The following MASP1 variants were observed in gnomAD, a reference collection of about 807,000 sequenced individuals.
MASP1 encodes the protein MBL associated serine protease 1, also known as mannan-binding lectin serine protease 1.
A neutral mutation model predicts 77.1 loss-of-function variants in MASP1; 59 were observed. That is an observed-to-expected ratio of 0.77 (90% CI 0.62 to 0.95). The LOEUF (loss-of-function observed/expected upper bound fraction) is 0.95, where lower values mean the gene tolerates loss of function less well. Ranked by LOEUF, MASP1 falls within the 40% of genes least tolerant of loss-of-function variation. The pLI, the probability that MASP1 is intolerant of heterozygous loss-of-function variation, is 0.00. For missense variants in MASP1, 885 were observed against 912.9 expected (o/e 0.97, Z 0.39); for synonymous variants, 362 against 354.5 (o/e 1.02, Z -0.24).
At chr3:187,277,695 G>A (rs1483151052) in intron 2 of MASP1, among the ~76,000 whole-genome samples, 1 of 152,212 alleles carries the variant, frequency 6.6e-6, no homozygotes, top group Non-Finnish European at 1.5e-5. Flanking sequence ...CTTTCCTGCA[G>A]AGACTTGAAC....
rs201003207 is a variant in MASP1, at chr3:187,260,887, A to G, written c.416-15T>C. The G allele has an allele frequency of 3.7e-6, 6 of 1,614,016 alleles. No individual in the cohort carries two copies. Among genetic ancestry groups the G allele is most frequent in the African/African-American group, 1.3e-5 (1 of 75,032 alleles). ...CTCGTCCACATCTGTAGGGCAGGTAAAGCCTCTCCATCAATACATGCATGA... is the reference window on the plus strand; with the variant it reads ...CTCGTCCACATCTGTAGGGCAGGTAGAGCCTCTCCATCAATACATGCATGA... On this transcript the variant is annotated splice_polypyrimidine_tract_variant and intron_variant, in intron 3 of 10. Transcript: ENST00000296280.
intron 10 of MASP1, among the ~76,000 whole-genome samples, chr3:187,237,720 C>A (rs1049267605): frequency 6.6e-6 from 1 of 152,224 alleles, no homozygotes; most frequent in Non-Finnish European, 1.5e-5. Flanking sequence ...AACATGCTTG[C>A]ATGGCCCTTC....
At chr3:187,247,164 A>G (rs1200121620) in intron 8 of MASP1, 2 of 1,489,532 alleles carry the variant, frequency 1.3e-6, no homozygotes, top group Non-Finnish European at 1.8e-6. Context: ...TTGCTTTCAC[A>G]CACGTAGCAG....
chr3:187,270,282 T>C (rs1349185877), intron 2 of MASP1, among the ~76,000 whole-genome samples: 1 of 152,218 alleles, frequency 6.6e-6, no homozygotes, highest in Non-Finnish European at 1.5e-5. Flanking sequence ...TGCACTTCCT[T>C]GTAAAACTCA....
chr3:187,271,248 A>G (rs1347160509), intron 2 of MASP1, among the ~76,000 whole-genome samples: 1 of 152,226 alleles, frequency 6.6e-6, no homozygotes, highest in Non-Finnish European at 1.5e-5. Context: ...AAGATAGATC[A>G]GGCTGTTTTG....
At chr3:187,280,381 C>T (rs1268027943) in intron 2 of MASP1, among the ~76,000 whole-genome samples, 1 of 152,174 alleles carries the variant, frequency 6.6e-6, no homozygotes, top group East Asian at 1.9e-4. Flanking sequence ...AGAGTGCAAT[C>T]CAAATGCAGA....
At chr3:187,249,005 A>G (rs1057245648) in intron 8 of MASP1, among the ~76,000 whole-genome samples, 1 of 152,190 alleles carries the variant, frequency 6.6e-6, no homozygotes, top group South Asian at 2.1e-4. Flanking sequence ...TTTGCATGAA[A>G]ATTCATGAAA....
At chr3:187,255,298 C>A (rs1714979126) in intron 5 of MASP1, among the ~76,000 whole-genome samples, 2 of 152,140 alleles carry the variant, frequency 1.3e-5, no homozygotes, top group Admixed American at 6.5e-5. Context: ...ACTTCTAGAG[C>A]TGAGAGCCAC....
At chr3:187,225,686 C>G (rs1041050493) in intron 12 of MASP1, among the ~76,000 whole-genome samples, 1 of 152,218 alleles carries the variant, frequency 6.6e-6, no homozygotes, top group Non-Finnish European at 1.5e-5. Flanking sequence ...TACATAATCT[C>G]ATGGGTCCCC....
chr3:187,243,685 G>A, intron 8 of MASP1, 64 bp from the exon 9 acceptor site: 1 of 1,592,294 alleles, frequency 6.3e-7, no homozygotes. Flanking sequence ...CTATCTGATG[G>A]ATCTATCTCA....
intron 2 of MASP1, 109 bp downstream of exon 2, chr3:187,285,713 ATGT>A (rs1290800883): frequency 4.8e-6 from 4 of 831,536 alleles, no homozygotes; most frequent in East Asian, 2.6e-5. Flanking sequence ...TACCATTGTG[ATGT>A]TGTGTGTCTC....
Position 187,285,951 on chromosome 3 carries a change from T to G in MASP1, c.111A>C (p.Pro37=), listed in dbSNP as rs761778551. ...MFGQIQSPGY[P]DSYPSDSEVT... is the part of the protein sequence containing the mutation. The stretch of plus-strand genomic sequence containing the variant: ...CCTCTGAATCACTGGGATAGGAGTC[T>G]GGATAACCAGGCGACTGGATCTGGC... The change falls in exon 2 of 11, where the codon CCA becomes CCC. Residue 37 remains proline (P), a synonymous_variant. Transcript: ENST00000296280. 12 of 1,614,234 alleles carry G rather than the reference T, an allele frequency of 7.4e-6. No individual in the cohort carries two copies. The highest frequency in any genetic ancestry group is 8.5e-6 in the Non-Finnish European group (10 of 1,180,038).
intron 1 of MASP1, chr3:187,291,157 G>C (rs72549153): frequency 0.012 from 2,316 of 192,180 alleles, 29 homozygotes; most frequent in Non-Finnish European, 0.02. Flanking sequence ...AACTTGTAAA[G>C]GTTGAAGAAA....
intron 6 of MASP1, 34 bp from the exon 7 acceptor site, chr3:187,251,786 G>A: frequency 6.5e-7 from 1 of 1,545,140 alleles, no homozygotes; most frequent in Non-Finnish European, 9.0e-7. Context: ...CAGCAGGTGA[G>A]AAAAGAGAAT....
intron 11 of MASP1, among the ~76,000 whole-genome samples, chr3:187,228,389 G>A (rs1377393691): frequency 6.6e-6 from 1 of 151,988 alleles, no homozygotes; most frequent in African/African-American, 2.4e-5. Context: ...AATCGGAGCT[G>A]TCTGGTGAAG....
At chr3:187,228,411 C>T (rs115819799) in intron 11 of MASP1, among the ~76,000 whole-genome samples, 3,251 of 152,280 alleles carry the variant, frequency 0.021, 54 homozygotes, top group Non-Finnish European at 0.036. Context: ...AGAGTCTTCC[C>T]TCCCTCTGCC....
chr3:187,288,523 G>A (rs1173067987), intron 1 of MASP1, among the ~76,000 whole-genome samples: 2 of 152,150 alleles, frequency 1.3e-5, no homozygotes, highest in Non-Finnish European at 2.9e-5. Flanking sequence ...TAATAATAAC[G>A]ACTTCCCACA....
At chr3:187,263,270 A>T (rs982822488) in intron 2 of MASP1, 1 of 158,612 alleles carries the variant, frequency 6.3e-6, no homozygotes, top group African/African-American at 2.4e-5. Flanking sequence ...AAGCAGAAGC[A>T]CTGCATATGC....
rs749150026 is a variant in MASP1, at chr3:187,262,625, G to A, written c.333C>T (p.Gly111=). 1.2e-6 allele frequency: 2 copies of A among 1,613,996 alleles called. No individual in the cohort carries two copies. The highest frequency in any genetic ancestry group is 1.7e-6 in the Non-Finnish European group (2 of 1,180,014). ...TPGQEVVLSP[G]SFMSITFRSD... ...ACCGGAAAGTGATGGACATGAAGGA[G>A]CCAGGGGAGAGGACCACCTCCTGGC... Residue 111 remains glycine (G), a synonymous_variant, in exon 3 of 11, where the codon GGC becomes GGT. Coordinates refer to ENST00000296280, the MANE Select transcript of MASP1 (RefSeq NM_139125.4).
Sources: gnomAD v4.1 joint callset for allele counts (sites outside exome capture counted in the v4.1 genomes callset) on GRCh38, gnomAD v4.1.1 for gene constraint, MANE v1.5 for transcripts, NCBI Gene and HGNC (gene_info 2026-07-23, HGNC 2026-07-21) for gene names.